The following TBX5 variants were observed in gnomAD, a reference collection of about 807,000 sequenced individuals.
TBX5 encodes T-box transcription factor 5.
In TBX5, 8 loss-of-function variants were observed where a neutral mutation model predicts 51.1. The ratio of observed to expected loss-of-function variants is 0.16; its 90% CI spans 0.09 to 0.28. The LOEUF (loss-of-function observed/expected upper bound fraction) is 0.28, where lower values mean the gene tolerates loss of function less well. Among genes scored for constraint, TBX5 ranks in the 10% least tolerant of loss-of-function variants. The pLI is 1.00. For missense variants in TBX5, 589 were observed against 671.7 expected (o/e 0.88, Z 1.36); for synonymous variants, 302 against 266.4 (o/e 1.13, Z -1.30).
Position 114,403,859 on chromosome 12 carries a change from G to T in TBX5, c.40C>A (p.Pro14Thr), listed in dbSNP as rs773397553. The T allele has an allele frequency of 5.0e-6, 8 of 1,613,744 alleles. No individual in the cohort carries two copies. In the East Asian group the frequency reaches 1.1e-4, roughly 22 times the overall value. The change falls in exon 2 of 9, where the codon CCT becomes ACT. Residue 14 changes from proline to threonine, a missense_variant. Around this residue, in one of 7 missense-constraint regions of TBX5, gnomAD observed 101 missense variants for 83.3 expected, o/e 1.21. Transcript: ENST00000405440. The part of the protein sequence containing the change: ...ADEGFGLAHT[P>T]LEPDAKDLPC... ...AGGTCTTTTGCGTCAGGCTCCAGAG[G>T]CGTGTGCGCCAGGCCAAAGCCCTCG...
Position 114,403,774 on chromosome 12 carries a change from G to C in TBX5, c.125C>G (p.Pro42Arg). 6.2e-7 allele frequency: 1 copy of C among 1,613,792 alleles called. No homozygotes were observed. The highest frequency in any genetic ancestry group is 8.5e-7 in the Non-Finnish European group (1 of 1,180,006). The change falls in exon 2 of 9, where the codon CCG (proline) becomes CGG (arginine). Residue 42 changes from proline to arginine, a missense_variant. Physicochemically the swap from Pro to Arg is moderately radical, Grantham distance 103 (BLOSUM62 -2). Coordinates refer to ENST00000405440, the MANE Select transcript of TBX5 (RefSeq NM_181486.4). ...LGAPSKSPSS[P>R]QAAFTQQGME... ...TACCTGCTGGGTGAAGGCGGCCTGC[G>C]GGGACGACGGGGACTTGCTGGGGGC... is the stretch of plus-strand genomic sequence containing the variant.
intron 6 of TBX5, 101 bp downstream of exon 6, chr12:114,394,640 T>G: frequency 1.3e-6 from 2 of 1,543,662 alleles, no homozygotes; most frequent in Non-Finnish European, 1.8e-6. Context: ...TGGTGACTGC[T>G]GCCATTCAGA....
chr12:114,395,315 T>C (rs1318735144), intron 5 of TBX5, among the ~76,000 whole-genome samples: 6 of 151,320 alleles, frequency 4.0e-5, no homozygotes, highest in South Asian at 2.1e-4. Context: ...ACAACAAACA[T>C]AGAAATAACC....
intron 6 of TBX5, among the ~76,000 whole-genome samples, chr12:114,388,739 C>CTTTT (rs36014296): frequency 3.1e-5 from 3 of 96,898 alleles, no homozygotes; most frequent in East Asian, 5.9e-4. Context: ...CTCCCTCAAC[C>CTTTT]TTTTTTTTTT....
At chr12:114,396,653 C>CG (rs1871449050) in intron 5 of TBX5, among the ~76,000 whole-genome samples, 1 of 152,148 alleles carries the variant, frequency 6.6e-6, no homozygotes, top group Non-Finnish European at 1.5e-5. Flanking sequence ...TGAAATGAGC[C>CG]TGGGGAACCG....
intron 7 of TBX5, among the ~76,000 whole-genome samples, chr12:114,385,117 A>AG (rs1491254919): frequency 2.6e-5 from 4 of 151,866 alleles, no homozygotes; most frequent in Non-Finnish European, 5.9e-5. Flanking sequence ...AAAAAAAAAA[A>AG]AGCATTCATC....
Position 114,354,321 on chromosome 12 carries a change from T to C in TBX5, c.*1211A>G, listed in dbSNP as rs532005395. ...ATTACTTAATTAGAATTCCTATTTA[T>C]AAATAAATAGTACCAGTAAAATATT... On this transcript the variant is annotated 3_prime_UTR_variant, in exon 9 of 9. Coordinates refer to ENST00000405440, the MANE Select transcript of TBX5 (RefSeq NM_181486.4). 1 of 152,340 alleles carries C rather than the reference T, an allele frequency of 6.6e-6. No individual in the cohort carries two copies. The highest frequency in any genetic ancestry group is 6.5e-5 in the Admixed American group (1 of 15,294). The allele number at this position is 152,340 out of a possible 1,614,324, so 9.4% of individuals were successfully genotyped here.
intron 7 of TBX5, among the ~76,000 whole-genome samples, chr12:114,368,551 T>C (rs561351328): frequency 2.0e-5 from 3 of 152,318 alleles, no homozygotes; most frequent in African/African-American, 7.2e-5. Context: ...AAGCAACTTG[T>C]TCAAGATCAC....
In TBX5 at chr12:114,394,948, C is replaced by T. The variant is rs1871341922; in HGVS notation, c.511-55G>A. The T allele has an allele frequency of 1.9e-6, 3 of 1,577,040 alleles. No homozygotes were observed. In the Admixed American group the frequency reaches 5.0e-5, roughly 26 times the overall value. ...AGAAAATCAAAACTCCCTTTGTCTC[C>T]AGATAAAACCCTGCTCCCCGCCCTC... On this transcript the variant is annotated intron_variant, in intron 5 of 8. Transcript: ENST00000405440.
intron 2 of TBX5, among the ~76,000 whole-genome samples, chr12:114,403,549 A>T (rs1050869666): frequency 1.3e-5 from 2 of 152,234 alleles, no homozygotes; most frequent in African/African-American, 2.4e-5. Context: ...GTAGATGGCA[A>T]TACGCTAGCA....
chr12:114,375,594 C>A (rs1870143836), intron 7 of TBX5, among the ~76,000 whole-genome samples: 1 of 152,142 alleles, frequency 6.6e-6, no homozygotes, highest in South Asian at 2.1e-4. Flanking sequence ...GATATATCAC[C>A]TTACACCTGT....
intron 6 of TBX5, among the ~76,000 whole-genome samples, chr12:114,391,179 G>A (rs1428929742): frequency 6.6e-6 from 1 of 152,178 alleles, no homozygotes; most frequent in African/African-American, 2.4e-5. Context: ...CACATGCATT[G>A]CTTTTCTTTT....
At chr12:114,370,638 C>CCTCTCTCTCTCT (rs142620191) in intron 7 of TBX5, among the ~76,000 whole-genome samples, 4 of 146,774 alleles carry the variant, frequency 2.7e-5, no homozygotes, top group Non-Finnish European at 6.0e-5. Context: ...ATGATCTCTC[C>CCTCTCTCTCTCT]CTCTCTCTCT....
intron 6 of TBX5, among the ~76,000 whole-genome samples, chr12:114,388,146 C>A (rs1441125224): frequency 6.6e-6 from 1 of 152,060 alleles, no homozygotes; most frequent in African/African-American, 2.4e-5. Flanking sequence ...CTGTGCCCAG[C>A]CAGGTTTTTT....
At chr12:114,399,733 A>T in intron 3 of TBX5, 101 bp from the exon 4 acceptor site, 1 of 1,582,566 alleles carries the variant, frequency 6.3e-7, no homozygotes, top group South Asian at 1.1e-5. Flanking sequence ...TCCTGGAGAA[A>T]CGTGGAAGCG....
chr12:114,383,788 C>T lies in TBX5; in HGVS notation c.755+1688G>A, dbSNP rs1870646526. Among the ~76,000 whole-genome samples the T allele has an allele frequency of 3.3e-5, 5 of 152,246 alleles. No individual in the cohort carries two copies. In the South Asian group the frequency reaches 1.0e-3, roughly 32 times the overall value. ...CTTAAATCTATTATTCACCCCCTGC[C>T]CTTGACCTTGTAAAAAGGAGGGAAG... On this transcript the variant is annotated intron_variant, in intron 7 of 8. Transcript: ENST00000405440.
chr12:114,373,497 C>T (rs1870029747), intron 7 of TBX5, among the ~76,000 whole-genome samples: 1 of 152,302 alleles, frequency 6.6e-6, no homozygotes, highest in Non-Finnish European at 1.5e-5. Flanking sequence ...CTCGCTCTGT[C>T]GCCCAGGCTG....
chr12:114,375,158 A>G (rs1162180200), intron 7 of TBX5, among the ~76,000 whole-genome samples: 2 of 152,246 alleles, frequency 1.3e-5, no homozygotes, highest in East Asian at 1.9e-4. Flanking sequence ...TGGCCCATAC[A>G]TGGGCTTTGT....
chr12:114,388,760 T>A (rs1308222517), intron 6 of TBX5, among the ~76,000 whole-genome samples: 3 of 127,834 alleles, frequency 2.3e-5, no homozygotes, highest in Admixed American at 8.5e-5. Flanking sequence ...TTTTTTTAGG[T>A]TTTCGGAGTG....
Sources: gnomAD v4.1 joint callset for allele counts (sites outside exome capture counted in the v4.1 genomes callset) on GRCh38, gnomAD v4.1.1 for gene constraint, gnomAD v4.1.1 regional missense constraint, MANE v1.5 for transcripts, NCBI Gene and HGNC (gene_info 2026-07-23, HGNC 2026-07-21) for gene names.